The following SART1 variants were observed in gnomAD, a reference collection of about 807,000 sequenced individuals.
SART1 encodes the protein U4/U6.U5 tri-snRNP-associated protein 1.
Under a neutral mutation model 105.0 loss-of-function variants are expected in SART1, and 28 were observed. That is an observed-to-expected ratio of 0.27 (90% CI 0.20 to 0.37). The LOEUF (loss-of-function observed/expected upper bound fraction) is 0.37. Ranked by LOEUF, SART1 falls within the 10% of genes least tolerant of loss-of-function variation. SART1 has a pLI of 1.00. For missense variants in SART1, 894 were observed against 1,106.5 expected, an observed-to-expected ratio of 0.81 and a Z score of 2.72; for synonymous variants, 472 against 462.9, an observed-to-expected ratio of 1.02 and a Z score of -0.25.
rs1054635607 is a variant in SART1, at chr11:65,962,055, G to A, written c.275G>A (p.Arg92His). The A allele has an allele frequency of 3.3e-6, 5 of 1,494,128 alleles. No individual in the cohort carries two copies. Among genetic ancestry groups the A allele is most frequent in the East Asian group, 2.8e-5 (1 of 35,134 alleles). The allele number at this position is 1,494,128 out of a possible 1,614,324, so 92.6% of individuals were successfully genotyped here. ...AGCCAGGCAGAGCCCTCCGAGCGGCGCGTGAAGCGGGAGAAGCGCGATGAC... is the reference window on the plus strand; with the variant it reads ...AGCCAGGCAGAGCCCTCCGAGCGGCACGTGAAGCGGGAGAAGCGCGATGAC... The part of the protein sequence containing the change: ...ERSQAEPSER[R>H]VKREKRDDGY... Residue 92 changes from arginine (R) to histidine (H), a missense_variant, in exon 1 of 20, where the codon CGC (arginine) becomes CAC (histidine). Physicochemically the swap from Arg to His is conservative, Grantham distance 29. Transcript: ENST00000312397.
intron 12 of SART1, among the ~76,000 whole-genome samples, chr11:65,974,198 TAAAAAAAA>T (rs1168176073): frequency 2.6e-4 from 18 of 69,332 alleles, no homozygotes; most frequent in African/African-American, 4.9e-4. Context: ...CCCTCTCTAC[TAAAAAAAA>T]AAAAAAAAAA....
At chr11:65,973,613 G>A (rs1855425997) in intron 12 of SART1, among the ~76,000 whole-genome samples, 1 of 152,212 alleles carries the variant, frequency 6.6e-6, no homozygotes, top group Non-Finnish European at 1.5e-5. Flanking sequence ...GGGAATGTGT[G>A]CGTGCCCGGG....
intron 12 of SART1, among the ~76,000 whole-genome samples, chr11:65,974,387 AAAAAC>A (rs1399427432): frequency 6.7e-6 from 1 of 149,330 alleles, no homozygotes; most frequent in African/African-American, 2.5e-5. Flanking sequence ...AAAAAAAAAA[AAAAAC>A]CATATCAGCC....
chr11:65,967,461 C>G lies in SART1; in HGVS notation c.1314-10C>G. On this transcript the variant is annotated splice_polypyrimidine_tract_variant and intron_variant, in intron 10 of 19. Coordinates refer to ENST00000312397, the MANE Select transcript of SART1 (RefSeq NM_005146.5). The stretch of plus-strand genomic sequence containing the variant: ...GACCGGTGCTCACCAGAGAGGCCTC[C>G]TTCCCTCAGACTGCGGGGACGGGGT... 1 of 1,613,668 alleles carries G rather than the reference C, an allele frequency of 6.2e-7. No individual in the cohort carries two copies. Among genetic ancestry groups the G allele is most frequent in the Non-Finnish European group, 8.5e-7 (1 of 1,179,892 alleles).
At chr11:65,968,389 A>G (rs1565314703) in intron 12 of SART1, among the ~76,000 whole-genome samples, 1 of 152,154 alleles carries the variant, frequency 6.6e-6, no homozygotes. Flanking sequence ...TGAGAAGGTC[A>G]TTGGTGAACA....
chr11:65,970,380 C>T (rs1031002641), intron 12 of SART1, among the ~76,000 whole-genome samples: 18 of 152,186 alleles, frequency 1.2e-4, no homozygotes, highest in Admixed American at 5.2e-4. Context: ...TCAAGTTTCC[C>T]ACCCGCAAAG....
At chr11:65,969,876 C>A (rs1302268671) in intron 12 of SART1, among the ~76,000 whole-genome samples, 1 of 152,202 alleles carries the variant, frequency 6.6e-6, no homozygotes, top group Admixed American at 6.5e-5. Flanking sequence ...GTGCATGCCA[C>A]CACGCCCAGC....
At position 65,965,691 on chromosome 11, in the gene SART1, C is replaced by CT; in HGVS notation, c.661-10dup. On this transcript the variant is annotated splice_polypyrimidine_tract_variant and intron_variant, in intron 5 of 19. Coordinates refer to ENST00000312397, the MANE Select transcript of SART1 (RefSeq NM_005146.5). ...GCCTGAAGTCCTAGGTCACCCCTCC[C>CT]TGTCCCGTAGGCCAAGTTACTGGAG... 6.2e-7 allele frequency: 1 copy of CT among 1,612,550 alleles called. No homozygotes were observed. Among genetic ancestry groups the CT allele is most frequent in the Non-Finnish European group, 8.5e-7 (1 of 1,179,204 alleles).
In SART1 at chr11:65,979,088, T is replaced by C; in HGVS notation, c.*58T>C. The C allele has an allele frequency of 6.2e-7, 1 of 1,608,914 alleles. No individual in the cohort carries two copies. Among genetic ancestry groups the C allele is most frequent in the Non-Finnish European group, 8.5e-7 (1 of 1,175,954 alleles). On this transcript the variant is annotated 3_prime_UTR_variant, in exon 20 of 20. Transcript: ENST00000312397. ...TTCATATTAAATAAAGCTCCCTCCT[T>C]ATTTTTTCCTCCCTGGTCGTGGTAC... is the stretch of plus-strand genomic sequence containing the variant.
rs1156647943 is a variant in SART1 at position 65,978,012 on chromosome 11, C to T, written c.2172+113C>T. On this transcript the variant is annotated intron_variant, in intron 17 of 19. Coordinates refer to ENST00000312397, the MANE Select transcript of SART1 (RefSeq NM_005146.5). The surrounding 1 kb of genome is among the most constrained non-coding windows in gnomAD (Gnocchi z 6.8). The stretch of plus-strand genomic sequence containing the variant: ...CCCAGGGTCCTGGCTCCACCAGCCT[C>T]TGGCTGGGGGCCTGGTGAATGCCAC... The T allele has an allele frequency of 8.4e-7, 1 of 1,196,324 alleles. No homozygotes were observed. 74.1% of individuals were successfully genotyped at this position (1,196,324 alleles called of 1,614,324 possible). A position where few individuals can be genotyped will look rare whatever the true frequency, so the allele number is the denominator to read the frequency against.
rs149754263 is a variant in SART1, at chr11:65,976,601, C to T, written c.1746+33C>T. The T allele has an allele frequency of 3.3e-4, 526 of 1,613,606 alleles. 1 individual carries two copies. The highest frequency in any genetic ancestry group is 1.7e-3 in the Middle Eastern group (10 of 6,060). Reference sequence around the variant, plus strand: ...TGGGGCGGCCCCGCCCTCTGCTTCCCTCGGCTGGGTGGGCTGGCTGGGGCC... The same window carrying T: ...TGGGGCGGCCCCGCCCTCTGCTTCCTTCGGCTGGGTGGGCTGGCTGGGGCC... On this transcript the variant is annotated intron_variant, in intron 13 of 19. Transcript: ENST00000312397. This position sits in a 1 kb window ranked among gnomAD's most constrained non-coding sequence, Gnocchi z 5.1.
intron 12 of SART1, among the ~76,000 whole-genome samples, chr11:65,969,792 G>A (rs1855337178): frequency 6.6e-6 from 1 of 152,080 alleles, no homozygotes; most frequent in African/African-American, 2.4e-5. Context: ...GCGCGATCTC[G>A]GCTCACTGCA....
At position 65,978,035 on chromosome 11, in the gene SART1, C is replaced by T; in HGVS notation, c.2172+136C>T. On this transcript the variant is annotated intron_variant, in intron 17 of 19. Transcript: ENST00000312397. This position sits in a 1 kb window ranked among gnomAD's most constrained non-coding sequence, Gnocchi z 6.8. ...CTCTGGCTGGGGGCCTGGTGAATGC[C>T]ACGGATGGGGAGGGGGCCCTCAGGG... 1 of 941,592 alleles carries T rather than the reference C, an allele frequency of 1.1e-6. No homozygotes were observed. Among genetic ancestry groups the T allele is most frequent in the Non-Finnish European group, 1.6e-6 (1 of 635,810 alleles). 58.3% of individuals were successfully genotyped at this position (941,592 alleles called of 1,614,324 possible). A position where few individuals can be genotyped will look rare whatever the true frequency, so the allele number is the denominator to read the frequency against.
chr11:65,976,610 G>C lies in SART1; in HGVS notation c.1746+42G>C, dbSNP rs903839287. The C allele has an allele frequency of 3.1e-6, 5 of 1,613,618 alleles. No homozygotes were observed. Among genetic ancestry groups the C allele is most frequent in the Non-Finnish European group, 1.7e-6 (2 of 1,179,900 alleles). ...CCCGCCCTCTGCTTCCCTCGGCTGG[G>C]TGGGCTGGCTGGGGCCTGGGCCGAC... On this transcript the variant is annotated intron_variant, in intron 13 of 19. Transcript: ENST00000312397. This position sits in a 1 kb window ranked among gnomAD's most constrained non-coding sequence, Gnocchi z 5.1.
chr11:65,967,415 G>A, intron 10 of SART1, 32 bp downstream of exon 10: 1 of 1,613,804 alleles, frequency 6.2e-7, no homozygotes, highest in Non-Finnish European at 8.5e-7. Flanking sequence ...GGGCGAGATG[G>A]CTGGGCTGGG....
In SART1 at chr11:65,966,184, A is replaced by T; in HGVS notation, c.947A>T (p.Tyr316Phe). ...LRKKKPDYLP[Y>F]AEDESVDDLA... ...AAGAAGAAGCCTGACTACCTGCCCT[A>T]TGCCGAGGACGAGAGCGTGGACGAC... The change falls in exon 8 of 20, where the codon TAT becomes TTT. Residue 316 changes from tyrosine to phenylalanine, a missense_variant. Around this residue, in one of 2 missense-constraint regions of SART1, gnomAD observed 712 missense variants for 778.2 expected, o/e 0.91. Transcript: ENST00000312397. 6.2e-6 allele frequency: 10 copies of T among 1,614,034 alleles called. No homozygotes were observed. The highest frequency in any genetic ancestry group is 8.5e-6 in the Non-Finnish European group (10 of 1,180,024).
intron 12 of SART1, among the ~76,000 whole-genome samples, chr11:65,969,485 G>A (rs1213856386): frequency 2.6e-5 from 4 of 152,110 alleles, no homozygotes; most frequent in African/African-American, 7.2e-5. Context: ...GGTCTCGCTC[G>A]GTTGCCCAGG....
rs1380836694 is a variant in SART1 at position 65,976,043 on chromosome 11, T to G, written c.1573-352T>G. On this transcript the variant is annotated intron_variant, in intron 12 of 19. Coordinates refer to ENST00000312397, the MANE Select transcript of SART1 (RefSeq NM_005146.5). The surrounding 1 kb of genome is among the most constrained non-coding windows in gnomAD (Gnocchi z 5.1). ...GCTGTCTAGAGTCCTGAAACCGGAGTTTGTCGGGGGAGGGGCAGGTGGCAG... is the reference window on the plus strand; with the variant it reads ...GCTGTCTAGAGTCCTGAAACCGGAGGTTGTCGGGGGAGGGGCAGGTGGCAG... 6.6e-6 allele frequency among the ~76,000 whole-genome samples: 1 copy of G among 150,592 alleles called. No homozygotes were observed. The highest frequency in any genetic ancestry group is 2.4e-5 in the African/African-American group (1 of 40,836).
In SART1 at chr11:65,979,338, C is replaced by T. The variant is rs1344315492; in HGVS notation, c.*308C>T. The T allele has an allele frequency of 4.8e-5, 25 of 517,766 alleles. No individual in the cohort carries two copies. The highest frequency in any genetic ancestry group is 6.3e-5 in the Non-Finnish European group (18 of 287,136). 32.1% of individuals were successfully genotyped at this position (517,766 alleles called of 1,614,324 possible). A position where few individuals can be genotyped will look rare whatever the true frequency, so the allele number is the denominator to read the frequency against. ...TTAGAAACTCATCACCCTGCTCTCT[C>T]CTGGCCTCGGGGGCTGCACAGGTCA... On this transcript the variant is annotated 3_prime_UTR_variant, in exon 20 of 20. Coordinates refer to ENST00000312397, the MANE Select transcript of SART1 (RefSeq NM_005146.5).
Sources: gnomAD v4.1 joint callset for allele counts (sites outside exome capture counted in the v4.1 genomes callset) on GRCh38, gnomAD v4.1.1 for gene constraint, gnomAD v4.1.1 regional missense constraint, Gnocchi (gnomAD v3.1) non-coding constraint, MANE v1.5 for transcripts, NCBI Gene and HGNC (gene_info 2026-07-23, HGNC 2026-07-21) for gene names.